The following FARS2 variants were observed in gnomAD, a reference collection of about 807,000 sequenced individuals.
FARS2 encodes phenylalanyl-tRNA synthetase 2, mitochondrial.
Under a neutral mutation model 46.4 loss-of-function variants are expected in FARS2, and 40 were observed. The observed-to-expected ratio is 0.86, with a 90% confidence interval of 0.67 to 1.12. FARS2 has a LOEUF of 1.12. Ranked by LOEUF, FARS2 falls within the 50% of genes most tolerant of loss-of-function variation. The probability of loss-of-function intolerance (pLI) is 0.00; values close to 1 mark genes in which losing one functional copy is unlikely to be tolerated. For missense variants in FARS2, 513 were observed against 567.9 expected (o/e 0.90, Z 0.98); for synonymous variants, 234 against 214.9 (o/e 1.09, Z -0.78).
chr6:5,321,600 G>T (rs1336762024), intron 1 of FARS2, among the ~76,000 whole-genome samples: 1 of 151,540 alleles, frequency 6.6e-6, no homozygotes, highest in Non-Finnish European at 1.5e-5. Context: ...ACTAAGCTTT[G>T]TTGTATCTAC....
At chr6:5,431,725 G>T (rs769880898) in intron 4 of FARS2, 1 of 530,900 alleles carries the variant, frequency 1.9e-6, no homozygotes, top group Non-Finnish European at 3.9e-6. Flanking sequence ...TGAATTCTAC[G>T]CATATCTATA....
chr6:5,648,497 G>C (rs1245224474), intron 6 of FARS2, among the ~76,000 whole-genome samples: 2 of 152,162 alleles, frequency 1.3e-5, no homozygotes, highest in African/African-American at 4.8e-5. Context: ...CCCTGCACTG[G>C]GGATCCATTC....
chr6:5,673,766 G>T (rs1348791507), intron 6 of FARS2, among the ~76,000 whole-genome samples: 2 of 152,144 alleles, frequency 1.3e-5, no homozygotes, highest in African/African-American at 4.8e-5. Flanking sequence ...GCACACAGGG[G>T]TGCCAGCATA....
At chr6:5,322,110 G>A (rs776495990) in intron 1 of FARS2, among the ~76,000 whole-genome samples, 3 of 152,158 alleles carry the variant, frequency 2.0e-5, no homozygotes, top group South Asian at 4.1e-4. Context: ...AAACAAACAC[G>A]TGTTTACAAT....
chr6:5,362,540 A>G (rs561357782), intron 1 of FARS2, among the ~76,000 whole-genome samples: 2 of 152,312 alleles, frequency 1.3e-5, no homozygotes, highest in South Asian at 4.1e-4. Flanking sequence ...GCAGTGAACA[A>G]GGGGGTGCAG....
intron 5 of FARS2, among the ~76,000 whole-genome samples, chr6:5,547,208 T>G (rs530027915): frequency 3.5e-4 from 54 of 152,294 alleles, no homozygotes; most frequent in Non-Finnish European, 6.6e-4. Context: ...CATCTTGGCC[T>G]CCCGAAGTGC....
chr6:5,343,867 C>T lies in FARS2; in HGVS notation c.-21-24683C>T, dbSNP rs750169925. On this transcript the variant is annotated intron_variant, in intron 1 of 6. Coordinates refer to ENST00000274680, the MANE Select transcript of FARS2 (RefSeq NM_006567.5). This position sits in a 1 kb window ranked among gnomAD's most constrained non-coding sequence, Gnocchi z 4.5. ...CAGAAATGAAGTTTACCTCCCCAGT[C>T]CCTTTAAAAGATAAAAACAAATTAG... 5.3e-5 allele frequency among the ~76,000 whole-genome samples: 8 copies of T among 152,154 alleles called. No homozygotes were observed. The highest frequency in any genetic ancestry group is 1.0e-4 in the Non-Finnish European group (7 of 68,036).
intron 4 of FARS2, among the ~76,000 whole-genome samples, chr6:5,487,665 A>G (rs1420701169): frequency 1.3e-5 from 2 of 152,078 alleles, no homozygotes; most frequent in Non-Finnish European, 2.9e-5. Flanking sequence ...CCCAACACGC[A>G]TGGGTTCTCT....
At position 5,343,160 on chromosome 6, in the gene FARS2, T is replaced by G. The variant is rs1251988564; in HGVS notation, c.-21-25390T>G. ...TACCGATTAGAGATGGTACTACTGC[T>G]GACAAAACTGTTGTTTATTACTGTA... On this transcript the variant is annotated intron_variant, in intron 1 of 6. Transcript: ENST00000274680. This position sits in a 1 kb window ranked among gnomAD's most constrained non-coding sequence, Gnocchi z 4.5. Among the ~76,000 whole-genome samples the G allele has an allele frequency of 6.6e-6, 1 of 152,222 alleles. No individual in the cohort carries two copies. The highest frequency in any genetic ancestry group is 6.5e-5 in the Admixed American group (1 of 15,276).
At chr6:5,258,163 G>C (rs147573615), upstream of FARS2, among the ~76,000 whole-genome samples, 2 of 152,298 alleles carry the variant, frequency 1.3e-5, no homozygotes, top group African/African-American at 4.8e-5. Flanking sequence ...ATGCACATGT[G>C]GGACTTAGGC....
chr6:5,534,398 T>C (rs761737817), intron 4 of FARS2, among the ~76,000 whole-genome samples: 19 of 152,216 alleles, frequency 1.2e-4, no homozygotes, highest in Non-Finnish European at 2.5e-4. Context: ...TTTTCATCGC[T>C]TCCACGAGAA....
chr6:5,428,267 A>G (rs1762959394), intron 3 of FARS2, among the ~76,000 whole-genome samples: 1 of 152,196 alleles, frequency 6.6e-6, no homozygotes, highest in South Asian at 2.1e-4. Flanking sequence ...TGTATAACTG[A>G]ACTCTTCCAT....
intron 5 of FARS2, among the ~76,000 whole-genome samples, chr6:5,571,941 TAC>T (rs1772678432): frequency 2.0e-5 from 3 of 152,178 alleles, no homozygotes; most frequent in Non-Finnish European, 4.4e-5. Context: ...GTCACCTGTG[TAC>T]ACTGTCCTGT....
At chr6:5,644,630 G>C (rs188998122) in intron 6 of FARS2, among the ~76,000 whole-genome samples, 10 of 152,350 alleles carry the variant, frequency 6.6e-5, no homozygotes. Flanking sequence ...CAAAGTGCTG[G>C]ATTACAGGCG....
At chr6:5,733,882 C>G (rs1249337969) in intron 6 of FARS2, among the ~76,000 whole-genome samples, 1 of 152,162 alleles carries the variant, frequency 6.6e-6, no homozygotes, top group Admixed American at 6.5e-5. Context: ...ACTTCGTTTT[C>G]TTACATGTAT....
At chr6:5,757,856 G>T (rs1253584240) in intron 6 of FARS2, among the ~76,000 whole-genome samples, 1 of 152,198 alleles carries the variant, frequency 6.6e-6, no homozygotes, top group African/African-American at 2.4e-5. Flanking sequence ...TGTTGCTACG[G>T]TTACTATTAA....
chr6:5,262,518 A>G (rs1765245458), intron 1 of FARS2, among the ~76,000 whole-genome samples: 1 of 152,118 alleles, frequency 6.6e-6, no homozygotes, highest in African/African-American at 2.4e-5. Context: ...ACCTCAGGCA[A>G]TCCGCCCGCC....
rs1164500772 is a variant in FARS2, at chr6:5,368,974, A to G, written c.404A>G (p.His135Arg). Residue 135 changes from histidine to arginine, a missense_variant, in exon 2 of 7, where the codon CAC (histidine) becomes CGC (arginine). Coordinates refer to ENST00000274680, the MANE Select transcript of FARS2 (RefSeq NM_006567.5). ...GACAGCCTGCTCATCCCAGCTGATC[A>G]CCCCAGCAGGAAGAAGGGGGACAAC... Reference protein sequence around the residue: ...NFDSLLIPADHPSRKKGDNYY... With the variant: ...NFDSLLIPADRPSRKKGDNYY... The G allele has an allele frequency of 2.5e-6, 4 of 1,614,054 alleles. No individual in the cohort carries two copies. The highest frequency in any genetic ancestry group is 1.3e-5 in the African/African-American group (1 of 74,992).
At chr6:5,352,798 A>G (rs986145826) in intron 1 of FARS2, among the ~76,000 whole-genome samples, 21 of 151,960 alleles carry the variant, frequency 1.4e-4, no homozygotes, top group African/African-American at 4.8e-4. Context: ...TAACTGACAC[A>G]TAATCGTACA....
Sources: gnomAD v4.1 joint callset for allele counts (sites outside exome capture counted in the v4.1 genomes callset) on GRCh38, gnomAD v4.1.1 for gene constraint, Gnocchi (gnomAD v3.1) non-coding constraint, MANE v1.5 for transcripts, NCBI Gene and HGNC (gene_info 2026-07-23, HGNC 2026-07-21) for gene names.